The following ZRANB2 variants were observed in gnomAD, a reference collection of about 807,000 sequenced individuals.
ZRANB2 encodes zinc finger Ran-binding domain-containing protein 2.
ZRANB2 carries 19 observed loss-of-function variants against 53.4 expected under a neutral mutation model. That is an observed-to-expected ratio of 0.36 (90% CI 0.25 to 0.52). The LOEUF is 0.52. Ranked by LOEUF, ZRANB2 falls within the 20% of genes least tolerant of loss-of-function variation. The pLI, the probability that ZRANB2 is intolerant of heterozygous loss-of-function variation, is 0.93. For synonymous variants in ZRANB2, 145 were observed against 134.8 expected, an observed-to-expected ratio of 1.08 and a Z score of -0.52; for missense variants, 309 against 401.1, an observed-to-expected ratio of 0.77 and a Z score of 1.96.
rs1168396579 is a variant in ZRANB2, at chr1:71,064,943, T to A, written c.*131A>T. 3.6e-6 allele frequency: 2 copies of A among 558,740 alleles called. No homozygotes were observed. The highest frequency in any genetic ancestry group is 3.8e-5 in the African/African-American group (2 of 52,150). 34.6% of individuals were successfully genotyped at this position (558,740 alleles called of 1,614,324 possible). A position where few individuals can be genotyped will look rare whatever the true frequency, so the allele number is the denominator to read the frequency against. On this transcript the variant is annotated 3_prime_UTR_variant, in exon 10 of 10. Coordinates refer to ENST00000370920, the MANE Select transcript of ZRANB2 (RefSeq NM_203350.3). ...TCACAAATAAACACAGCTGTATTGT[T>A]TTGAAAAGCAATGAAAGGCATGCAC...
At chr1:71,079,257 C>T (rs1266334003) in intron 1 of ZRANB2, among the ~76,000 whole-genome samples, 1 of 152,106 alleles carries the variant, frequency 6.6e-6, no homozygotes, top group Non-Finnish European at 1.5e-5. Flanking sequence ...CAGGGCATTT[C>T]TCAAACCTCT....
At chr1:71,078,409 G>A (rs755600436) in intron 3 of ZRANB2, 48 bp downstream of exon 3, 14 of 1,512,820 alleles carry the variant, frequency 9.3e-6, no homozygotes, top group Admixed American at 3.4e-5. Context: ...GTAGTGGCCA[G>A]ATCTATTATT....
At chr1:71,077,134 T>C (rs892189952) in intron 3 of ZRANB2, among the ~76,000 whole-genome samples, 2 of 152,236 alleles carry the variant, frequency 1.3e-5, no homozygotes, top group East Asian at 1.9e-4. Context: ...GAGAAGTAAA[T>C]GACAAATTAT....
intron 4 of ZRANB2, among the ~76,000 whole-genome samples, chr1:71,074,434 A>C (rs763035193): frequency 4.6e-5 from 7 of 152,202 alleles, no homozygotes; most frequent in Non-Finnish European, 1.0e-4. Context: ...CAGGTTTAAA[A>C]TGAATGTTTG....
In ZRANB2 at chr1:71,066,726, T is replaced by TA. The variant is rs549345706; in HGVS notation, c.929+49dup. On this transcript the variant is annotated intron_variant, in intron 9 of 9. Coordinates refer to ENST00000370920, the MANE Select transcript of ZRANB2 (RefSeq NM_203350.3). ...CTTGACTAGGAAAGTTTACTTTATC[T>TA]ATTAAACACACTTAAGAACACCCAT... 3,231 of 1,558,530 alleles carry TA rather than the reference T, an allele frequency of 2.1e-3. 17 individuals carry two copies. Among genetic ancestry groups the TA allele is most frequent in the South Asian group, 7.1e-3 (563 of 79,664 alleles).
At chr1:71,078,789 G>T in intron 1 of ZRANB2, 81 bp from the exon 2 acceptor site, 1 of 1,195,270 alleles carries the variant, frequency 8.4e-7, no homozygotes, top group Non-Finnish European at 1.2e-6. Flanking sequence ...TACATATCTG[G>T]AATTCATAAC....
At chr1:71,074,407 C>T (rs1661661193) in intron 4 of ZRANB2, among the ~76,000 whole-genome samples, 1 of 151,802 alleles carries the variant, frequency 6.6e-6, no homozygotes, top group Admixed American at 6.6e-5. Flanking sequence ...GAGCAAGGGC[C>T]AAGAAAGAAT....
intron 3 of ZRANB2, among the ~76,000 whole-genome samples, chr1:71,077,715 GC>G (rs1661738630): frequency 6.6e-6 from 1 of 152,092 alleles, no homozygotes; most frequent in African/African-American, 2.4e-5. Flanking sequence ...AATGAGCCAG[GC>G]ATGGTGGCAT....
At chr1:71,065,477 T>C (rs1232985638) in intron 9 of ZRANB2, among the ~76,000 whole-genome samples, 1 of 152,048 alleles carries the variant, frequency 6.6e-6, no homozygotes, top group Non-Finnish European at 1.5e-5. Context: ...AACTTGGTAA[T>C]GGAAGTGTGA....
At chr1:71,074,781 G>C (rs560565954) in intron 4 of ZRANB2, among the ~76,000 whole-genome samples, 6 of 151,986 alleles carry the variant, frequency 3.9e-5, no homozygotes, top group African/African-American at 1.4e-4. Flanking sequence ...CAGAGGTAGT[G>C]AATCACATTC....
rs1191705494 is a variant in ZRANB2 at position 71,064,704 on chromosome 1, T to G, written c.*370A>C. 6.3e-6 allele frequency: 1 copy of G among 158,822 alleles called. No homozygotes were observed. The highest frequency in any genetic ancestry group is 2.4e-5 in the African/African-American group (1 of 41,708). The allele number at this position is 158,822 out of a possible 1,614,324, so 9.8% of individuals were successfully genotyped here. A position where few individuals can be genotyped will look rare whatever the true frequency, so the allele number is the denominator to read the frequency against. ...GTTGTTTCCAACTAGTTTCCAGTCT[T>G]TCTTCCATGCCCAAAGTTCAGGCAA... On this transcript the variant is annotated 3_prime_UTR_variant, in exon 10 of 10. Transcript: ENST00000370920.
rs530107797 is a variant in ZRANB2, at chr1:71,076,720, A to C, written c.301+75T>G. The C allele has an allele frequency of 3.6e-5, 40 of 1,106,302 alleles. No individual in the cohort carries two copies. The East Asian group carries it at 9.6e-4, about 27-fold the overall frequency. The allele number at this position is 1,106,302 out of a possible 1,614,324, so 68.5% of individuals were successfully genotyped here. ...CCTCACTTACTGTGGCTCTTACTCG[A>C]AGGTGATACAATTATCGTTTCAATA... On this transcript the variant is annotated intron_variant, in intron 4 of 9. Coordinates refer to ENST00000370920, the MANE Select transcript of ZRANB2 (RefSeq NM_203350.3).
At chr1:71,072,434 T>TAGAA (rs775545767) in intron 5 of ZRANB2, 38 bp downstream of exon 5, 8 of 1,553,482 alleles carry the variant, frequency 5.1e-6, no homozygotes, top group South Asian at 4.9e-5. Context: ...TCTGTTTTTC[T>TAGAA]AATTTATATT....
chr1:71,069,180 A>G, intron 8 of ZRANB2, 96 bp downstream of exon 8: 1 of 981,266 alleles, frequency 1.0e-6, no homozygotes, highest in South Asian at 1.8e-5. Flanking sequence ...AAAATCGACA[A>G]GTAGAAGCAA....
At chr1:71,078,587 A>C in intron 2 of ZRANB2, 22 bp from the exon 3 acceptor site, 1 of 1,612,240 alleles carries the variant, frequency 6.2e-7, no homozygotes, top group Non-Finnish European at 8.5e-7. Flanking sequence ...AAAATCATGC[A>C]ATATGAACCT....
rs1661386085 is a variant in ZRANB2 at position 71,064,907 on chromosome 1, T to A, written c.*167A>T. ...GGACATTATGGCTTAAAATGCTATTTACTTTTAACTTCACAAATAAACACA... is the reference window on the plus strand; with the variant it reads ...GGACATTATGGCTTAAAATGCTATTAACTTTTAACTTCACAAATAAACACA... On this transcript the variant is annotated 3_prime_UTR_variant, in exon 10 of 10. Transcript: ENST00000370920. 2.2e-6 allele frequency: 1 copy of A among 462,374 alleles called. No individual in the cohort carries two copies. The highest frequency in any genetic ancestry group is 2.0e-5 in the African/African-American group (1 of 49,692). 28.6% of individuals were successfully genotyped at this position (462,374 alleles called of 1,614,324 possible).
intron 8 of ZRANB2, 76 bp downstream of exon 8, chr1:71,069,199 GA>G: frequency 3.6e-5 from 44 of 1,217,532 alleles, no homozygotes; most frequent in South Asian, 6.3e-5. Context: ...AAAATAAGGG[GA>G]AAAAAAGCAG....
chr1:71,066,632 T>G, intron 9 of ZRANB2, 144 bp downstream of exon 9: 1 of 724,476 alleles, frequency 1.4e-6, no homozygotes, highest in Non-Finnish European at 2.2e-6. Context: ...ATAAGCAAAG[T>G]AATGTTTTTT....
In ZRANB2 at chr1:71,064,558, G is replaced by C. The variant is rs11802971; in HGVS notation, c.*516C>G. On this transcript the variant is annotated 3_prime_UTR_variant, in exon 10 of 10. Transcript: ENST00000370920. ...ATGATTCTAAGGCACCCTTAGCATAGGGAATTTCAAAATAGACATTTACAG... is the reference window on the plus strand; with the variant it reads ...ATGATTCTAAGGCACCCTTAGCATACGGAATTTCAAAATAGACATTTACAG... The C allele has an allele frequency of 6.6e-6, 1 of 152,488 alleles. No homozygotes were observed. Among genetic ancestry groups the C allele is most frequent in the Non-Finnish European group, 1.5e-5 (1 of 67,932 alleles). The allele number at this position is 152,488 out of a possible 1,614,324, so 9.4% of individuals were successfully genotyped here. A position where few individuals can be genotyped will look rare whatever the true frequency, so the allele number is the denominator to read the frequency against.
Sources: gnomAD v4.1 joint callset for allele counts (sites outside exome capture counted in the v4.1 genomes callset) on GRCh38, gnomAD v4.1.1 for gene constraint, MANE v1.5 for transcripts, NCBI Gene and HGNC (gene_info 2026-07-23, HGNC 2026-07-21) for gene names.